The following DPP4 variants were observed in gnomAD, a reference collection of about 807,000 sequenced individuals.
DPP4 encodes the protein ADCP-2.
DPP4 carries 93 observed loss-of-function variants against 122.4 expected under a neutral mutation model. The observed-to-expected ratio is 0.76, with a 90% CI of 0.64 to 0.90. DPP4 has a LOEUF of 0.90. Among genes scored for constraint, DPP4 ranks in the 40% least tolerant of loss-of-function variants. The probability of loss-of-function intolerance (pLI) is 0.00; values close to 1 mark genes in which losing one functional copy is unlikely to be tolerated. For missense variants in DPP4, 914 were observed against 907.3 expected, an observed-to-expected ratio of 1.01 and a Z score of -0.09; for synonymous variants, 321 against 302.9, an observed-to-expected ratio of 1.06 and a Z score of -0.62.
chr2:161,997,679 C>A (rs911260934), intron 23 of DPP4, among the ~76,000 whole-genome samples: 10 of 152,302 alleles, frequency 6.6e-5, no homozygotes, highest in African/African-American at 2.4e-4. Context: ...TTCAATTGAG[C>A]ATTTACTCTG....
intron 2 of DPP4, among the ~76,000 whole-genome samples, chr2:162,062,481 T>A (rs1379745912): frequency 6.6e-6 from 1 of 152,176 alleles, no homozygotes; most frequent in East Asian, 1.9e-4. Context: ...AATCAAAGTT[T>A]TGGCTGGAAT....
At chr2:162,030,245 T>C (rs1031767306) in intron 10 of DPP4, among the ~76,000 whole-genome samples, 3 of 152,244 alleles carry the variant, frequency 2.0e-5, no homozygotes, top group South Asian at 4.1e-4. Context: ...TAATCAACTT[T>C]AGCACTAAAT....
rs539922436 is a variant in DPP4 at position 162,033,556 on chromosome 2, G to A, written c.872C>T (p.Ala291Val). The change falls in exon 10 of 26, where the codon GCT becomes GTT. Residue 291 changes from alanine (A) to valine (V), a missense_variant. Ala to Val is a moderately conservative substitution (Grantham distance 64). Transcript: ENST00000360534. ...NATSIQITAP[A>V]SMLIGDHYLC... is the part of the protein sequence containing the mutation. ...AGAGTCTTACCCTATCAACATAGAA[G>A]CAGGAGCAGTGATTTGTATGGAAGT... is the stretch of plus-strand genomic sequence containing the variant. 1 of 1,612,140 alleles carries A rather than the reference G, an allele frequency of 6.2e-7. No homozygotes were observed. The highest frequency in any genetic ancestry group is 2.2e-5 in the East Asian group (1 of 44,726).
intron 7 of DPP4, 48 bp downstream of exon 7, chr2:162,038,900 TG>T (rs1374651631): frequency 1.8e-5 from 28 of 1,542,320 alleles, no homozygotes; most frequent in Non-Finnish European, 2.4e-5. Flanking sequence ...CTTCTGCCTA[TG>T]AAAAATTTGA....
intron 16 of DPP4, 144 bp downstream of exon 16, chr2:162,018,585 T>C: frequency 9.3e-7 from 1 of 1,074,138 alleles, no homozygotes. Flanking sequence ...GAAAAGATTG[T>C]TTATGCTCAC....
chr2:162,030,861 T>G (rs141208112), intron 10 of DPP4, among the ~76,000 whole-genome samples: 121 of 152,348 alleles, frequency 7.9e-4, no homozygotes, highest in Middle Eastern at 3.4e-3. Context: ...AAAATCTCCA[T>G]AGTGAGTCTT....
chr2:162,046,629 T>G (rs1346989400), intron 4 of DPP4: 1 of 507,302 alleles, frequency 2.0e-6, no homozygotes, highest in Non-Finnish European at 3.8e-6. Flanking sequence ...TGGGGTTGCA[T>G]GAAATTCACC....
chr2:161,998,951 G>A lies in DPP4; in HGVS notation c.2053-3579C>T, dbSNP rs182665919. On this transcript the variant is annotated intron_variant, in intron 23 of 25. Transcript: ENST00000360534. ...GCAGCAAGAGAAAAATAAAACAAAA[G>A]CTTCCCCTGCAACTGCAAGATAAGT... is the stretch of plus-strand genomic sequence containing the variant. Among the ~76,000 whole-genome samples, 3 of 152,136 alleles carry A rather than the reference G, an allele frequency of 2.0e-5. 1 individual carries two copies. The South Asian group carries it at 6.2e-4, about 31-fold the overall frequency.
rs191833375 is a variant in DPP4 at position 161,995,977 on chromosome 2, G to T, written c.2053-605C>A. On this transcript the variant is annotated intron_variant, in intron 23 of 25. Transcript: ENST00000360534. Reference sequence around the variant, plus strand: ...GAAGGGGGTAAAAAAGATCAAAAGTGGCCTTAGAAAATCAGTGGGTTGCTG... The same window carrying T: ...GAAGGGGGTAAAAAAGATCAAAAGTTGCCTTAGAAAATCAGTGGGTTGCTG... Among the ~76,000 whole-genome samples the T allele has an allele frequency of 2.6e-3, 399 of 152,212 alleles. 2 individuals are homozygous for T. Among genetic ancestry groups the T allele is most frequent in the African/African-American group, 8.8e-3 (365 of 41,538 alleles).
chr2:162,054,000 C>T (rs1249872394), intron 2 of DPP4, among the ~76,000 whole-genome samples: 1 of 152,078 alleles, frequency 6.6e-6, no homozygotes, highest in Non-Finnish European at 1.5e-5. Flanking sequence ...AGAGCTGCAC[C>T]ATGGGCCGTG....
chr2:162,005,376 T>G (rs1245606958), intron 23 of DPP4, among the ~76,000 whole-genome samples: 1 of 152,228 alleles, frequency 6.6e-6, no homozygotes, highest in Non-Finnish European at 1.5e-5. Flanking sequence ...ATCTTACTTA[T>G]GATAATACTG....
chr2:162,057,452 G>T (rs957672901), intron 2 of DPP4, among the ~76,000 whole-genome samples: 1 of 152,176 alleles, frequency 6.6e-6, no homozygotes, highest in Non-Finnish European at 1.5e-5. Flanking sequence ...TCTGTTAATA[G>T]GAGAAAATAG....
At chr2:162,033,448 G>T (rs1407706661) in intron 10 of DPP4, 93 bp downstream of exon 10, 3 of 837,060 alleles carry the variant, frequency 3.6e-6, no homozygotes, top group African/African-American at 3.5e-5. Flanking sequence ...CACAGTGGGA[G>T]GCTGTGATCC....
intron 12 of DPP4, 35 bp downstream of exon 12, chr2:162,022,720 C>T: frequency 6.2e-7 from 1 of 1,608,644 alleles, no homozygotes. Flanking sequence ...GAGTAGCTGA[C>T]TCATCCATAA....
intron 25 of DPP4, 41 bp from the exon 26 acceptor site, chr2:161,993,425 T>C (rs1244986769): frequency 2.9e-6 from 4 of 1,385,222 alleles, no homozygotes; most frequent in Non-Finnish European, 4.1e-6. Context: ...AGGAAGTCAG[T>C]ACTCTTCTTA....
intron 5 of DPP4, among the ~76,000 whole-genome samples, chr2:162,040,793 A>C (rs1683956962): frequency 6.6e-6 from 1 of 152,074 alleles, no homozygotes; most frequent in African/African-American, 2.4e-5. Flanking sequence ...ATTTGTTATA[A>C]CAAATGGACC....
At chr2:162,066,084 A>T (rs943171196) in intron 2 of DPP4, among the ~76,000 whole-genome samples, 3 of 152,080 alleles carry the variant, frequency 2.0e-5, no homozygotes, top group African/African-American at 7.2e-5. Flanking sequence ...AGCCAGAGGA[A>T]CCTCTGCAGA....
intron 7 of DPP4, 39 bp from the exon 8 acceptor site, chr2:162,038,461 A>C: frequency 6.4e-7 from 1 of 1,564,302 alleles, no homozygotes; most frequent in East Asian, 2.3e-5. Context: ...TCTATAATAC[A>C]TGTCATATTT....
At chr2:161,993,685 T>G (rs1184587306) in intron 25 of DPP4, among the ~76,000 whole-genome samples, 1 of 152,164 alleles carries the variant, frequency 6.6e-6, no homozygotes, top group Non-Finnish European at 1.5e-5. Flanking sequence ...ACATTTTAAT[T>G]AAAACACCCA....
Sources: gnomAD v4.1 joint callset for allele counts (sites outside exome capture counted in the v4.1 genomes callset) on GRCh38, gnomAD v4.1.1 for gene constraint, MANE v1.5 for transcripts, NCBI Gene and HGNC (gene_info 2026-07-23, HGNC 2026-07-21) for gene names.